Variants in KIAA0825 observed in about 807,000 individuals in gnomAD.
The protein encoded by KIAA0825 is uncharacterized protein KIAA0825.
In KIAA0825, 119 loss-of-function variants were observed where a neutral mutation model predicts 147.6. The observed-to-expected ratio is 0.81, with a 90% CI of 0.69 to 0.94. KIAA0825 has a LOEUF of 0.94. Among genes scored for constraint, KIAA0825 ranks in the 40% least tolerant of loss-of-function variants. KIAA0825 has a pLI of 0.00. For missense variants in KIAA0825, 1,381 were observed against 1,472.7 expected, an observed-to-expected ratio of 0.94 and a Z score of 1.02; for synonymous variants, 470 against 518.1, an observed-to-expected ratio of 0.91 and a Z score of 1.26.
chr5:94,603,315 C>T (rs547274688), intron 1 of KIAA0825, among the ~76,000 whole-genome samples: 8 of 152,126 alleles, frequency 5.3e-5, no homozygotes, highest in South Asian at 2.1e-4. Flanking sequence ...ATTTTGTATC[C>T]GGCCAAACTA....
At chr5:94,201,945 G>C (rs779904832) in intron 20 of KIAA0825, among the ~76,000 whole-genome samples, 1 of 152,176 alleles carries the variant, frequency 6.6e-6, no homozygotes, top group African/African-American at 2.4e-5. Flanking sequence ...TGACCTATCA[G>C]GATTCTTGCT....
chr5:94,291,239 GT>G (rs1346577270), intron 20 of KIAA0825, among the ~76,000 whole-genome samples: 4 of 152,138 alleles, frequency 2.6e-5, no homozygotes, highest in African/African-American at 7.2e-5. Context: ...GGTTTTTATG[GT>G]TTTAGGTCTT....
chr5:94,224,393 G>A (rs767006825), intron 20 of KIAA0825, among the ~76,000 whole-genome samples: 4 of 151,470 alleles, frequency 2.6e-5, no homozygotes, highest in South Asian at 2.1e-4. Context: ...ATTGTCCCTT[G>A]CCCATCAACT....
chr5:94,451,995 A>G (rs897119525), intron 13 of KIAA0825, among the ~76,000 whole-genome samples: 2 of 152,240 alleles, frequency 1.3e-5, no homozygotes, highest in Non-Finnish European at 2.9e-5. Context: ...ATGGCAAGAT[A>G]TATTTACACA....
At chr5:94,363,469 C>A (rs1012491329) in intron 20 of KIAA0825, among the ~76,000 whole-genome samples, 3 of 152,042 alleles carry the variant, frequency 2.0e-5, no homozygotes, top group Non-Finnish European at 2.9e-5. Context: ...GATGTGTTAC[C>A]TTGAGTGGGT....
intron 20 of KIAA0825, among the ~76,000 whole-genome samples, chr5:94,334,506 G>A (rs1033435348): frequency 9.2e-5 from 14 of 152,076 alleles, no homozygotes; most frequent in African/African-American, 2.4e-4. Context: ...TTTTTGAGAC[G>A]AAGTCTCATT....
chr5:94,318,797 A>T (rs1779896189), intron 20 of KIAA0825, among the ~76,000 whole-genome samples: 1 of 151,906 alleles, frequency 6.6e-6, no homozygotes, highest in Non-Finnish European at 1.5e-5. Flanking sequence ...ATCTGCAGGA[A>T]GTTGGAAGAA....
At position 94,194,608 on chromosome 5, in the gene KIAA0825, G is replaced by A. The variant is rs137922727; in HGVS notation, c.3711-40484C>T. Among the ~76,000 whole-genome samples the A allele has an allele frequency of 6.6e-4, 101 of 152,306 alleles. 1 individual carries two copies. The highest frequency in any genetic ancestry group is 2.3e-3 in the African/African-American group (96 of 41,558). Reference sequence around the variant, plus strand: ...TCTCTGTCAGGGCCACCACCAGGCCGCAGAGGGACAGTCTGGATCTGATGG... The same window carrying A: ...TCTCTGTCAGGGCCACCACCAGGCCACAGAGGGACAGTCTGGATCTGATGG... On this transcript the variant is annotated intron_variant, in intron 20 of 20. Transcript: ENST00000682413.
intron 6 of KIAA0825, among the ~76,000 whole-genome samples, chr5:94,478,047 G>T (rs1486378027): frequency 6.6e-6 from 1 of 151,900 alleles, no homozygotes; most frequent in East Asian, 1.9e-4. Flanking sequence ...TTTATGCCTG[G>T]GCAAAGCAAA....
intron 20 of KIAA0825, among the ~76,000 whole-genome samples, chr5:94,366,828 C>G (rs1745923169): frequency 6.6e-6 from 1 of 152,142 alleles, no homozygotes. Context: ...CACGACAGTA[C>G]CCCAAACAAA....
At chr5:94,160,014 T>C (rs567583205) in intron 20 of KIAA0825, among the ~76,000 whole-genome samples, 8 of 152,354 alleles carry the variant, frequency 5.3e-5, no homozygotes, top group East Asian at 1.9e-4. Context: ...TAAAGTCATA[T>C]TGGATTTTAT....
In KIAA0825 at chr5:94,473,330, T is replaced by C. The variant is rs1161630897; in HGVS notation, c.1417A>G (p.Met473Val). Residue 473 changes from methionine to valine, a missense_variant, in exon 8 of 21, where the codon ATG becomes GTG. Met to Val is a conservative substitution (Grantham distance 21). Transcript: ENST00000682413. ...TTTGGTTGTTCCTCCTCAGGAAACA[T>C]ATGGCTGTCTTGCCAAACTTGCTGG... Reference protein sequence around the residue: ...NVQQVWQDSHMFPEEEQPKKI... With the variant: ...NVQQVWQDSHVFPEEEQPKKI... 1.3e-5 allele frequency: 20 copies of C among 1,551,712 alleles called. No homozygotes were observed. The highest frequency in any genetic ancestry group is 2.4e-5 in the East Asian group (1 of 40,932).
intron 4 of KIAA0825, 33 bp from the exon 5 acceptor site, chr5:94,520,950 A>C: frequency 7.0e-7 from 1 of 1,437,836 alleles, no homozygotes; most frequent in Non-Finnish European, 9.3e-7. Context: ...AATGTGATTA[A>C]GTGCAATAGA....
intron 1 of KIAA0825, among the ~76,000 whole-genome samples, chr5:94,617,019 C>G (rs1585065982): frequency 6.6e-6 from 1 of 152,236 alleles, no homozygotes; most frequent in East Asian, 1.9e-4. Context: ...AAATCACAAC[C>G]TCTTTGGGTC....
intron 20 of KIAA0825, among the ~76,000 whole-genome samples, chr5:94,311,800 C>T (rs535706281): frequency 6.6e-6 from 1 of 151,766 alleles, no homozygotes; most frequent in African/African-American, 2.4e-5. Flanking sequence ...TCTAAAACTA[C>T]CAGGGAGTTT....
Position 94,520,284 on chromosome 5 carries a change from T to C in KIAA0825, c.934A>G (p.Ser312Gly), listed in dbSNP as rs1450842077. The change falls in exon 5 of 21, where the codon AGC (serine) becomes GGC (glycine). Residue 312 changes from serine to glycine, a missense_variant. Physicochemically the swap from Ser to Gly is moderately conservative, Grantham distance 56. Transcript: ENST00000682413. ...ACTGCTCCTCTATGCTTGCTGGAGC[T>C]CTTGCTTGTTTTAACCACACGAACA... ...NAVRVVKTSK[S>G]SSKHRGAVHA... 1 of 1,612,978 alleles carries C rather than the reference T, an allele frequency of 6.2e-7. No individual in the cohort carries two copies. The highest frequency in any genetic ancestry group is 8.5e-7 in the Non-Finnish European group (1 of 1,179,348).
At chr5:94,198,517 A>G (rs911848744) in intron 20 of KIAA0825, among the ~76,000 whole-genome samples, 6 of 151,930 alleles carry the variant, frequency 3.9e-5, no homozygotes, top group Non-Finnish European at 8.8e-5. Context: ...CAAACACTGC[A>G]TGTTCTCACT....
At chr5:94,370,769 C>T (rs996304036) in intron 20 of KIAA0825, among the ~76,000 whole-genome samples, 2 of 151,930 alleles carry the variant, frequency 1.3e-5, no homozygotes, top group African/African-American at 2.4e-5. Flanking sequence ...AGTAGCTGGG[C>T]GTGGTGGTGG....
chr5:94,171,856 C>T (rs554286046), intron 20 of KIAA0825, among the ~76,000 whole-genome samples: 1 of 152,146 alleles, frequency 6.6e-6, no homozygotes, highest in African/African-American at 2.4e-5. Context: ...ATGCACTTAT[C>T]CCCCTTTTTT....
Sources: gnomAD v4.1 joint callset for allele counts (sites outside exome capture counted in the v4.1 genomes callset) on GRCh38, gnomAD v4.1.1 for gene constraint, MANE v1.5 for transcripts, NCBI Gene and HGNC (gene_info 2026-07-23, HGNC 2026-07-21) for gene names.